NIPSNAP1: variants seen among roughly 807,000 people sequenced by gnomAD.
The protein encoded by NIPSNAP1 is nipsnap homolog 1, also known as protein NipSnap homolog 1.
Under a neutral mutation model 49.2 loss-of-function variants are expected in NIPSNAP1, and 25 were observed. That is an observed-to-expected ratio of 0.51 (90% CI 0.37 to 0.71). The LOEUF is 0.71. Among genes scored for constraint, NIPSNAP1 ranks in the 30% least tolerant of loss-of-function variants. NIPSNAP1 has a pLI of 0.00. For synonymous variants in NIPSNAP1, 143 were observed against 140.7 expected (o/e 1.02, Z -0.12); for missense variants, 294 against 361.0 (o/e 0.81, Z 1.50).
chr22:29,580,724 G>A (rs1184025508), intron 1 of NIPSNAP1, among the ~76,000 whole-genome samples: 1 of 152,046 alleles, frequency 6.6e-6, no homozygotes, highest in Non-Finnish European at 1.5e-5. Flanking sequence ...CCACTCTCCA[G>A]GGCCCAGTAC....
Position 29,561,094 on chromosome 22 carries a change from TGGCCCACCAGG to T in NIPSNAP1, c.611+66_611+76del. ...CCCTGTGATATGGCCCTGGAAAAGG[TGGCCCACCAGG>T]GGCCTTGGTGGGGCAGGTGAGCAGG... On this transcript the variant is annotated intron_variant, in intron 7 of 9. Coordinates refer to ENST00000216121, the MANE Select transcript of NIPSNAP1 (RefSeq NM_003634.4). The T allele has an allele frequency of 4.4e-6, 6 of 1,357,384 alleles. No homozygotes were observed. The Admixed American group carries it at 8.4e-5, about 19-fold the overall frequency. The allele number at this position is 1,357,384 out of a possible 1,614,324, so 84.1% of individuals were successfully genotyped here.
intron 1 of NIPSNAP1, among the ~76,000 whole-genome samples, chr22:29,571,263 G>A (rs2064405617): frequency 6.6e-6 from 1 of 152,130 alleles, no homozygotes; most frequent in South Asian, 2.1e-4. Flanking sequence ...CTGGCAACCT[G>A]GGCAGACTCT....
At chr22:29,567,209 A>C (rs1474795731) in intron 4 of NIPSNAP1, among the ~76,000 whole-genome samples, 1 of 152,148 alleles carries the variant, frequency 6.6e-6, no homozygotes, top group African/African-American at 2.4e-5. Flanking sequence ...GGTCCCTTTG[A>C]GTGGCTGAGA....
At chr22:29,558,493 TATAAAATA>T (rs2064311427) in intron 9 of NIPSNAP1, among the ~76,000 whole-genome samples, 1 of 151,832 alleles carries the variant, frequency 6.6e-6, no homozygotes, top group South Asian at 2.1e-4. Context: ...TAAAATAAAA[TATAAAATA>T]ATAAAATAGT....
intron 9 of NIPSNAP1, among the ~76,000 whole-genome samples, chr22:29,557,323 T>G (rs2064303210): frequency 6.6e-6 from 1 of 152,228 alleles, no homozygotes; most frequent in Non-Finnish European, 1.5e-5. Flanking sequence ...TTTCACCATG[T>G]TGCCGAGACT....
chr22:29,580,183 T>C (rs1352297954), intron 1 of NIPSNAP1: 3 of 1,304,022 alleles, frequency 2.3e-6, no homozygotes, highest in Non-Finnish European at 3.0e-6. Flanking sequence ...AATGAGATCA[T>C]GGTCTAGTGA....
At position 29,556,748 on chromosome 22, in the gene NIPSNAP1, CTTGT is replaced by C. The variant is rs540959131; in HGVS notation, c.791-753_791-750del. Among the ~76,000 whole-genome samples the C allele has an allele frequency of 8.5e-5, 13 of 152,164 alleles. No homozygotes were observed. In the East Asian group the frequency reaches 1.7e-3, roughly 20 times the overall value. On this transcript the variant is annotated intron_variant, in intron 9 of 9. Transcript: ENST00000216121. ...TGCAGGAAGCCTGCGATTTGTTATT[CTTGT>C]TTGTTTCTTTGTTTGAGATGGAATT...
intron 4 of NIPSNAP1, among the ~76,000 whole-genome samples, chr22:29,563,293 G>C (rs1034798524): frequency 6.6e-6 from 1 of 151,758 alleles, no homozygotes; most frequent in African/African-American, 2.4e-5. Flanking sequence ...ACTTTGGGAG[G>C]CTGAGGCAGG....
At chr22:29,570,324 C>G (rs2064398797) in intron 2 of NIPSNAP1, 81 bp downstream of exon 2, 1 of 1,609,352 alleles carries the variant, frequency 6.2e-7, no homozygotes. Flanking sequence ...CATTCCAGAC[C>G]CTCCCATCTC....
In NIPSNAP1 at chr22:29,559,076, C is replaced by T. The variant is rs1601486991; in HGVS notation, c.707-123G>A. On this transcript the variant is annotated intron_variant, in intron 8 of 9. Coordinates refer to ENST00000216121, the MANE Select transcript of NIPSNAP1 (RefSeq NM_003634.4). Reference sequence around the variant, plus strand: ...CTGTCTCCTCCTCCCTAGATGCCTCCCTCAGACTATTAGCAAACACTGTCT... The same window carrying T: ...CTGTCTCCTCCTCCCTAGATGCCTCTCTCAGACTATTAGCAAACACTGTCT... 5.4e-6 allele frequency: 4 copies of T among 741,746 alleles called. No homozygotes were observed. In the South Asian group the frequency reaches 5.6e-5, roughly 10 times the overall value. 45.9% of individuals were successfully genotyped at this position (741,746 alleles called of 1,614,324 possible).
chr22:29,559,062 T>G lies in NIPSNAP1; in HGVS notation c.707-109A>C, dbSNP rs113288412. 144 of 782,506 alleles carry G rather than the reference T, an allele frequency of 1.8e-4. 1 individual carries two copies. The African/African-American group carries it at 1.9e-3, about 10-fold the overall frequency. 48.5% of individuals were successfully genotyped at this position (782,506 alleles called of 1,614,324 possible). A position where few individuals can be genotyped will look rare whatever the true frequency, so the allele number is the denominator to read the frequency against. The stretch of plus-strand genomic sequence containing the variant: ...TAAACCCTGCACTGCTGTCTCCTCC[T>G]CCCTAGATGCCTCCCTCAGACTATT... On this transcript the variant is annotated intron_variant, in intron 8 of 9. Coordinates refer to ENST00000216121, the MANE Select transcript of NIPSNAP1 (RefSeq NM_003634.4).
chr22:29,572,355 A>T (rs1009823613), intron 1 of NIPSNAP1, among the ~76,000 whole-genome samples: 11 of 150,748 alleles, frequency 7.3e-5, no homozygotes, highest in African/African-American at 9.7e-5. Flanking sequence ...AAATCAATCA[A>T]TTTTTTCCAA....
chr22:29,556,103 C>T, intron 9 of NIPSNAP1, 104 bp from the exon 10 acceptor site: 1 of 938,314 alleles, frequency 1.1e-6, no homozygotes, highest in South Asian at 1.5e-5. Flanking sequence ...AGGAGGAGGC[C>T]CCAGATGCTG....
rs975243554 is a variant in NIPSNAP1 at position 29,580,324 on chromosome 22, GC to G, written c.98+660del. Reference sequence around the variant, plus strand: ...GTCAGGGAGGCCAAGCCCTAGCTCAGCCCAGAGCAGGGCCCAAACAAAAGCC... The same window carrying G: ...GTCAGGGAGGCCAAGCCCTAGCTCAGCCAGAGCAGGGCCCAAACAAAAGCC... On this transcript the variant is annotated intron_variant, in intron 1 of 9. Coordinates refer to ENST00000216121, the MANE Select transcript of NIPSNAP1 (RefSeq NM_003634.4). 6.8e-5 allele frequency: 65 copies of G among 956,828 alleles called. No homozygotes were observed. In the African/African-American group the frequency reaches 1.0e-3, roughly 15 times the overall value. The allele number at this position is 956,828 out of a possible 1,614,324, so 59.3% of individuals were successfully genotyped here.
chr22:29,577,236 GCAC>G (rs1369422065), intron 1 of NIPSNAP1, among the ~76,000 whole-genome samples: 1 of 150,840 alleles, frequency 6.6e-6, no homozygotes, highest in Admixed American at 6.6e-5. Flanking sequence ...CCACAGGTGA[GCAC>G]CACCACGTCT....
At chr22:29,556,144 G>A (rs2064292929) in intron 9 of NIPSNAP1, 145 bp from the exon 10 acceptor site, 1 of 681,812 alleles carries the variant, frequency 1.5e-6, no homozygotes, top group East Asian at 2.7e-5. Flanking sequence ...CCTCGTGGAA[G>A]GGCCCATGAA....
At chr22:29,573,606 T>A (rs1011496684) in intron 1 of NIPSNAP1, among the ~76,000 whole-genome samples, 38 of 152,020 alleles carry the variant, frequency 2.5e-4, no homozygotes, top group African/African-American at 8.4e-4. Context: ...CCATCTCTAC[T>A]AAAAATACAA....
chr22:29,579,346 G>A (rs1273437232), intron 1 of NIPSNAP1, among the ~76,000 whole-genome samples: 2 of 143,290 alleles, frequency 1.4e-5, no homozygotes, highest in Admixed American at 7.2e-5. Context: ...GCCCAGGCTG[G>A]AGTGCAGTGG....
rs2064283285 is a variant in NIPSNAP1, at chr22:29,555,298, TC to T, written c.*636del. ...GAATTCTAAGTTCTACCTTCCGAGT[TC>T]CTGTTACGTGTCTGTCTCCTGCCCC... On this transcript the variant is annotated 3_prime_UTR_variant, in exon 10 of 10. Transcript: ENST00000216121. 1 of 153,160 alleles carries T rather than the reference TC, an allele frequency of 6.5e-6. No homozygotes were observed. The highest frequency in any genetic ancestry group is 1.5e-5 in the Non-Finnish European group (1 of 68,590). The allele number at this position is 153,160 out of a possible 1,614,324, so 9.5% of individuals were successfully genotyped here.
Sources: allele counts gnomAD v4.1 joint callset (sites outside exome capture counted in the v4.1 genomes callset), GRCh38; gene constraint gnomAD v4.1.1; transcripts MANE v1.5; gene names NCBI Gene and HGNC (gene_info 2026-07-23, HGNC 2026-07-21).